The following EP400 variants were observed in gnomAD, a reference collection of about 807,000 sequenced individuals.
EP400 encodes E1A-binding protein p400.
EP400 carries 105 observed loss-of-function variants against 354.1 expected under a neutral mutation model. The ratio of observed to expected loss-of-function variants is 0.30; its 90% CI spans 0.25 to 0.35. The LOEUF (loss-of-function observed/expected upper bound fraction) is 0.35, where lower values mean the gene tolerates loss of function less well. Among genes scored for constraint, EP400 ranks in the 10% least tolerant of loss-of-function variants. The probability of loss-of-function intolerance (pLI) is 1.00; values close to 1 mark genes in which losing one functional copy is unlikely to be tolerated. For synonymous variants in EP400, 1,646 were observed against 1,716.9 expected (o/e 0.96, Z 1.02); for missense variants, 3,280 against 4,121.0 (o/e 0.80, Z 5.59).
chr12:131,950,619 C>A (rs1300211828), intron 1 of EP400, among the ~76,000 whole-genome samples: 1 of 152,220 alleles, frequency 6.6e-6, no homozygotes, highest in Non-Finnish European at 1.5e-5. Flanking sequence ...GTAGACCTGC[C>A]CGGTCCTCCA....
chr12:132,066,423 G>A (rs1215257704), intron 48 of EP400: 26 of 243,200 alleles, frequency 1.1e-4, no homozygotes, highest in Non-Finnish European at 7.1e-5. Flanking sequence ...CTCGCTGAAG[G>A]AACAGGAAGT....
chr12:132,053,440 C>T lies in EP400; in HGVS notation c.7571C>T (p.Pro2524Leu), dbSNP rs766530756. The part of the protein sequence containing the change: ...PPPPPQQPPP[P>L]LPQPQAAGSQ... ...CCACCCCCGCAGCAGCCACCGCCAC[C>T]GCTGCCACAACCACAGGCAGCGGGC... The change falls in exon 43 of 53, where the codon CCG (proline) becomes CTG (leucine). Residue 2524 changes from proline (P) to leucine (L), a missense_variant. Around this residue, in one of 20 missense-constraint regions of EP400, gnomAD observed 255 missense variants for 295.9 expected, o/e 0.86. Transcript: ENST00000389561. 27 of 1,525,988 alleles carry T rather than the reference C, an allele frequency of 1.8e-5. 1 individual carries two copies. The South Asian group carries it at 2.4e-4, about 13-fold the overall frequency. 94.5% of individuals were successfully genotyped at this position (1,525,988 alleles called of 1,614,324 possible). A position where few individuals can be genotyped will look rare whatever the true frequency, so the allele number is the denominator to read the frequency against.
At chr12:132,021,444 C>A in intron 23 of EP400, 123 bp downstream of exon 23, 1 of 1,337,538 alleles carries the variant, frequency 7.5e-7, no homozygotes, top group Non-Finnish European at 9.8e-7. Flanking sequence ...GCCCCATGCC[C>A]GGTGCTGCCT....
chr12:131,964,966 G>A (rs1205666760), intron 2 of EP400, among the ~76,000 whole-genome samples: 2 of 152,206 alleles, frequency 1.3e-5, no homozygotes, highest in African/African-American at 4.8e-5. Context: ...ATCTGGGTTG[G>A]TTTCTTAGTC....
chr12:131,974,459 C>T (rs1365643796), intron 2 of EP400, among the ~76,000 whole-genome samples: 2 of 152,052 alleles, frequency 1.3e-5, no homozygotes, highest in African/African-American at 4.8e-5. Flanking sequence ...CAGAAATTTT[C>T]CTTTTGGTAG....
chr12:131,950,614 C>T (rs1401529612), intron 1 of EP400, among the ~76,000 whole-genome samples: 3 of 152,228 alleles, frequency 2.0e-5, no homozygotes, highest in East Asian at 1.9e-4. Flanking sequence ...TCGGCGTAGA[C>T]CTGCCCGGTC....
At chr12:132,055,289 CTTT>C (rs1359335221) in intron 45 of EP400, 81 bp downstream of exon 45, 1 of 1,146,812 alleles carries the variant, frequency 8.7e-7, no homozygotes, top group Admixed American at 2.8e-5. Flanking sequence ...TCTTCTTCTT[CTTT>C]TTAAGTATTC....
chr12:132,047,160 TTGTC>T (rs2136581522), intron 39 of EP400, among the ~76,000 whole-genome samples: 1 of 152,368 alleles, frequency 6.6e-6, no homozygotes, highest in South Asian at 2.1e-4. Context: ...CTAAAAACAC[TTGTC>T]TCAAAGCATT....
At position 132,018,067 on chromosome 12, in the gene EP400, A is replaced by T; in HGVS notation, c.4111-143A>T. On this transcript the variant is annotated intron_variant, in intron 20 of 52. Coordinates refer to ENST00000389561, the MANE Select transcript of EP400 (RefSeq NM_015409.5). The surrounding 1 kb of genome is among the most constrained non-coding windows in gnomAD (Gnocchi z 4.0). Reference sequence around the variant, plus strand: ...TGGCAGCACCTGTGTATTGGCACGGAGGAGGGTCTGCTTGCCGAGTGGCCG... The same window carrying T: ...TGGCAGCACCTGTGTATTGGCACGGTGGAGGGTCTGCTTGCCGAGTGGCCG... 1.0e-6 allele frequency: 1 copy of T among 974,976 alleles called. No individual in the cohort carries two copies. Among genetic ancestry groups the T allele is most frequent in the Non-Finnish European group, 1.5e-6 (1 of 654,284 alleles). The allele number at this position is 974,976 out of a possible 1,614,324, so 60.4% of individuals were successfully genotyped here. A position where few individuals can be genotyped will look rare whatever the true frequency, so the allele number is the denominator to read the frequency against.
intron 1 of EP400, among the ~76,000 whole-genome samples, chr12:131,950,297 GC>G (rs932963197): frequency 1.6e-4 from 24 of 152,192 alleles, no homozygotes; most frequent in Non-Finnish European, 2.6e-4. Context: ...ATTTCTCGTG[GC>G]CCCCCGGGCT....
intron 37 of EP400, among the ~76,000 whole-genome samples, 167 bp downstream of exon 37, chr12:132,045,120 T>C (rs549026056): frequency 6.6e-6 from 1 of 152,256 alleles, no homozygotes. Context: ...CAGGTTATGT[T>C]GTTTCCAGTG....
In EP400 at chr12:132,028,090, C is replaced by G; in HGVS notation, c.5183C>G (p.Ala1728Gly). ...GTCAACGAGCGGCGCTGTTCTCAAGCTCCAGTCTATGGCAGAGACTTGCTA... is the reference window on the plus strand; with the variant it reads ...GTCAACGAGCGGCGCTGTTCTCAAGGTCCAGTCTATGGCAGAGACTTGCTA... ...YLVNERRCSQ[A>G]PVYGRDLLRI... is the part of the protein sequence containing the mutation. The change falls in exon 27 of 53, where the codon GCT becomes GGT. Residue 1728 changes from alanine (A) to glycine (G), a missense_variant. Physicochemically the swap from Ala to Gly is moderately conservative, Grantham distance 60 (BLOSUM62 0). Around this residue, in one of 20 missense-constraint regions of EP400, gnomAD observed 459 missense variants for 496.9 expected, o/e 0.92. Coordinates refer to ENST00000389561, the MANE Select transcript of EP400 (RefSeq NM_015409.5). 3.1e-6 allele frequency: 5 copies of G among 1,614,214 alleles called. No individual in the cohort carries two copies. Among genetic ancestry groups the G allele is most frequent in the Non-Finnish European group, 4.2e-6 (5 of 1,180,048 alleles).
chr12:131,981,742 C>T (rs2136491482), intron 4 of EP400, 146 bp downstream of exon 4: 1 of 677,564 alleles, frequency 1.5e-6, no homozygotes, highest in South Asian at 1.9e-5. Flanking sequence ...CTCTGAGTCC[C>T]AGTCGATATC....
chr12:131,989,514 T>C (rs1892963984), intron 7 of EP400, among the ~76,000 whole-genome samples: 1 of 152,256 alleles, frequency 6.6e-6, no homozygotes, highest in African/African-American at 2.4e-5. Flanking sequence ...TTGGTGGGTA[T>C]GTGAAGTGTC....
chr12:131,963,437 A>C (rs907577893), intron 2 of EP400: 1 of 875,024 alleles, frequency 1.1e-6, no homozygotes, highest in African/African-American at 1.7e-5. Flanking sequence ...TTTAAACCCC[A>C]AATGTCAGTG....
intron 2 of EP400, among the ~76,000 whole-genome samples, chr12:131,969,008 C>CT (rs1892198480): frequency 6.7e-6 from 1 of 149,896 alleles, no homozygotes; most frequent in Non-Finnish European, 1.5e-5. Context: ...GATTTTTTTT[C>CT]TTTTTCAATC....
In EP400 at chr12:132,013,479, C is replaced by T. The variant is rs778262960; in HGVS notation, c.3612-11C>T. 5 of 1,550,712 alleles carry T rather than the reference C, an allele frequency of 3.2e-6. No homozygotes were observed. Among genetic ancestry groups the T allele is most frequent in the Non-Finnish European group, 4.4e-6 (5 of 1,147,718 alleles). ...GTAGAACTCCAGTGTTGTCTCTTGT[C>T]CTGTTTGCAGCCAACAACGTCTGCT... is the stretch of plus-strand genomic sequence containing the variant. On this transcript the variant is annotated splice_polypyrimidine_tract_variant and intron_variant, in intron 17 of 52. Coordinates refer to ENST00000389561, the MANE Select transcript of EP400 (RefSeq NM_015409.5). The surrounding 1 kb of genome is among the most constrained non-coding windows in gnomAD (Gnocchi z 4.5).
intron 1 of EP400, among the ~76,000 whole-genome samples, chr12:131,958,590 TTCA>T (rs1593308687): frequency 6.6e-6 from 1 of 152,224 alleles, no homozygotes; most frequent in African/African-American, 2.4e-5. Flanking sequence ...AATCTTGTTC[TTCA>T]TTGCAGCATC....
intron 1 of EP400, among the ~76,000 whole-genome samples, chr12:131,956,259 A>G (rs747887587): frequency 1.1e-4 from 17 of 152,132 alleles, no homozygotes; most frequent in Non-Finnish European, 2.4e-4. Flanking sequence ...TGGCTGTATC[A>G]TGGTTTGATG....
Sources: allele counts gnomAD v4.1 joint callset (sites outside exome capture counted in the v4.1 genomes callset), GRCh38; gene constraint gnomAD v4.1.1; regional missense constraint gnomAD v4.1.1; non-coding constraint Gnocchi (gnomAD v3.1); transcripts MANE v1.5; gene names NCBI Gene and HGNC (gene_info 2026-07-23, HGNC 2026-07-21).